Variants in DLC1 observed in about 807,000 individuals in gnomAD.
DLC1 encodes the protein DLC1 Rho GTPase activating protein, also known as rho GTPase-activating protein 7.
Under a neutral mutation model 140.3 loss-of-function variants are expected in DLC1, and 54 were observed. That is an observed-to-expected ratio of 0.38 (90% CI 0.31 to 0.48). DLC1 has a LOEUF of 0.48. DLC1 is among the 20% of genes least tolerant of loss of function. The pLI is 0.96. For synonymous variants in DLC1, 986 were observed against 728.1 expected (o/e 1.35, Z -5.70); for missense variants, 2,536 against 1,907.0 (o/e 1.33, Z -6.14).
intron 5 of DLC1, among the ~76,000 whole-genome samples, chr8:13,223,329 C>T (rs1032912512): frequency 6.6e-6 from 1 of 152,124 alleles, no homozygotes; most frequent in Non-Finnish European, 1.5e-5. Flanking sequence ...TCTCGTGCAG[C>T]CTCTTCGCAC....
Position 13,492,706 on chromosome 8 carries a change from T to C in DLC1, c.1023+6343A>G, listed in dbSNP as rs570857612. Reference sequence around the variant, plus strand: ...AGCACATAGGATAGCACCTGGGATATTGAAAATGCTCAATATTTATTGATT... The same window carrying C: ...AGCACATAGGATAGCACCTGGGATACTGAAAATGCTCAATATTTATTGATT... On this transcript the variant is annotated intron_variant, in intron 2 of 17. Transcript: ENST00000276297. Among the ~76,000 whole-genome samples, 7 of 152,304 alleles carry C rather than the reference T, an allele frequency of 4.6e-5. No individual in the cohort carries two copies. In the South Asian group the frequency reaches 1.0e-3, roughly 23 times the overall value.
At chr8:13,437,326 G>A (rs1174585731) in intron 2 of DLC1, among the ~76,000 whole-genome samples, 1 of 152,186 alleles carries the variant, frequency 6.6e-6, no homozygotes, top group African/African-American at 2.4e-5. Context: ...CCTTCTTTTA[G>A]CCTTCTTTTA....
At chr8:13,515,755 C>T (rs895000389), upstream of DLC1, 1 of 152,176 alleles carries the variant, frequency 6.6e-6, no homozygotes, top group Admixed American at 6.5e-5. Flanking sequence ...TGATTAAAAC[C>T]AGACAGGCAA....
chr8:13,446,130 C>T (rs1271960901), intron 2 of DLC1, among the ~76,000 whole-genome samples: 2 of 152,076 alleles, frequency 1.3e-5, no homozygotes, highest in Non-Finnish European at 2.9e-5. Flanking sequence ...AAGAACTCTC[C>T]CCCCCTCTGT....
intron 1 of DLC1, among the ~76,000 whole-genome samples, chr8:13,522,508 C>T (rs1004819417): frequency 1.3e-5 from 2 of 151,820 alleles, no homozygotes; most frequent in Non-Finnish European, 2.9e-5. Flanking sequence ...GCCTGTAATC[C>T]CATTTACTCG....
chr8:13,149,807 T>C (rs1040971442), intron 5 of DLC1, among the ~76,000 whole-genome samples: 11 of 152,224 alleles, frequency 7.2e-5, no homozygotes, highest in Admixed American at 4.6e-4. Flanking sequence ...AAACAGGTGA[T>C]TGTGAGACCA....
At chr8:13,211,504 G>T (rs1827941842) in intron 5 of DLC1, among the ~76,000 whole-genome samples, 2 of 152,318 alleles carry the variant, frequency 1.3e-5, no homozygotes, top group East Asian at 1.9e-4. Context: ...CTGAGGCTAA[G>T]CCCCAACTTT....
chr8:13,100,109 C>T lies in DLC1; in HGVS notation c.2228G>A (p.Ser743Asn). ...GCTGCTGGTCTCCGACTGGCTGCTG[C>T]TGCTGCTGGTCTGCGTGGAGTTGGA... The part of the protein sequence containing the change: ...SVSNSTQTSS[S>N]SSQSETSSAV... Residue 743 changes from serine to asparagine, a missense_variant, in exon 9 of 18, where the codon AGC (serine) becomes AAC (asparagine). Coordinates refer to ENST00000276297, the MANE Select transcript of DLC1 (RefSeq NM_182643.3). 6.2e-7 allele frequency: 1 copy of T among 1,614,004 alleles called. No individual in the cohort carries two copies. The highest frequency in any genetic ancestry group is 8.5e-7 in the Non-Finnish European group (1 of 1,180,044).
intron 5 of DLC1, among the ~76,000 whole-genome samples, chr8:13,303,250 C>T (rs1436838754): frequency 1.3e-5 from 2 of 152,160 alleles, no homozygotes; most frequent in Admixed American, 6.5e-5. Flanking sequence ...ATCAGTCCAT[C>T]CTGAGTTGCT....
rs144199976 is a variant in DLC1, at chr8:13,249,225, T to C, written c.1348+56044A>G. On this transcript the variant is annotated intron_variant, in intron 5 of 17. Transcript: ENST00000276297. Reference sequence around the variant, plus strand: ...CTGAGTAGCTGGGATTACAGGCACCTGCAACCACATCTGACTATTTGTTTT... The same window carrying C: ...CTGAGTAGCTGGGATTACAGGCACCCGCAACCACATCTGACTATTTGTTTT... Among the ~76,000 whole-genome samples, 170 of 152,248 alleles carry C rather than the reference T, an allele frequency of 1.1e-3. 1 individual carries two copies. The Middle Eastern group carries it at 0.014, about 12-fold the overall frequency.
intron 5 of DLC1, among the ~76,000 whole-genome samples, chr8:13,217,582 C>T (rs1381916011): frequency 6.6e-6 from 1 of 152,086 alleles, no homozygotes; most frequent in Non-Finnish European, 1.5e-5. Context: ...CGCCTGAAAT[C>T]CCAGCACTTT....
intron 4 of DLC1, among the ~76,000 whole-genome samples, chr8:13,358,231 C>A (rs148101153): frequency 6.6e-6 from 1 of 152,184 alleles, no homozygotes; most frequent in Non-Finnish European, 1.5e-5. Context: ...AGCTTCTTTT[C>A]CATCCTACAA....
rs115719260 is a variant in DLC1, at chr8:13,124,213, A to G, written c.1349-8556T>C. On this transcript the variant is annotated intron_variant, in intron 5 of 17. Transcript: ENST00000276297. ...ATATGACATAGGAAAGACATGTGTG[A>G]CATCAGAGTGGGAGGGGTGTCCCTT... Among the ~76,000 whole-genome samples, 855 of 152,314 alleles carry G rather than the reference A, an allele frequency of 5.6e-3. 2 individuals carry two copies. The highest frequency in any genetic ancestry group is 0.02 in the African/African-American group (828 of 41,570).
At chr8:13,375,322 C>T (rs999194791) in intron 4 of DLC1, among the ~76,000 whole-genome samples, 3 of 152,068 alleles carry the variant, frequency 2.0e-5, no homozygotes, top group Non-Finnish European at 2.9e-5. Flanking sequence ...CCACCGCGCC[C>T]GGCCAAGAAT....
intron 4 of DLC1, among the ~76,000 whole-genome samples, chr8:13,325,449 TACACACACACACACAC>T (rs1554497506): frequency 0.28 from 10,694 of 38,270 alleles, 469 homozygotes; most frequent in East Asian, 0.5. Context: ...TAGTTCTGTA[TACACACACACACACAC>T]ACACACACAC....
At chr8:13,237,183 GTATATA>G (rs775302583) in intron 5 of DLC1, among the ~76,000 whole-genome samples, 1 of 135,646 alleles carries the variant, frequency 7.4e-6, no homozygotes, top group Non-Finnish European at 1.6e-5. Flanking sequence ...GAGGATGTGT[GTATATA>G]TATATATATG....
At chr8:13,573,959 G>T (rs892394393) in intron 1 of DLC1, among the ~76,000 whole-genome samples, 9 of 151,978 alleles carry the variant, frequency 5.9e-5, no homozygotes, top group Admixed American at 1.3e-4. Flanking sequence ...TCATATCCTT[G>T]GTGTTTAGCA....
intron 1 of DLC1, among the ~76,000 whole-genome samples, chr8:13,591,224 G>T (rs1805503640): frequency 6.6e-6 from 1 of 152,020 alleles, no homozygotes; most frequent in Non-Finnish European, 1.5e-5. Flanking sequence ...ATTTTTTATT[G>T]CAAGGAGGGT....
chr8:13,246,514 G>A (rs775088479), intron 5 of DLC1, among the ~76,000 whole-genome samples: 2 of 151,986 alleles, frequency 1.3e-5, no homozygotes, highest in Non-Finnish European at 2.9e-5. Flanking sequence ...GAGTATGACT[G>A]TGTGTGTGTA....
Sources: gnomAD v4.1 joint callset for allele counts (sites outside exome capture counted in the v4.1 genomes callset) on GRCh38, gnomAD v4.1.1 for gene constraint, MANE v1.5 for transcripts, NCBI Gene and HGNC (gene_info 2026-07-23, HGNC 2026-07-21) for gene names.